PCDHGA9: variants seen among roughly 807,000 people sequenced by gnomAD.
PCDHGA9 encodes the protein protocadherin gamma subfamily A, 9, also known as protocadherin gamma-A9.
Under a neutral mutation model 62.5 loss-of-function variants are expected in PCDHGA9, and 37 were observed. The ratio of observed to expected loss-of-function variants is 0.59; its 90% CI spans 0.46 to 0.78. The LOEUF (loss-of-function observed/expected upper bound fraction) is 0.78, where lower values mean the gene tolerates loss of function less well. PCDHGA9 is among the 30% of genes least tolerant of loss of function. The probability of loss-of-function intolerance (pLI) is 0.00; values close to 1 mark genes in which losing one functional copy is unlikely to be tolerated. For missense variants in PCDHGA9, 1,138 were observed against 1,166.2 expected (o/e 0.98, Z 0.35); for synonymous variants, 459 against 484.6 (o/e 0.95, Z 0.69).
chr5:141,485,134 C>G lies in PCDHGA9; in HGVS notation c.2425-9673C>G, dbSNP rs967744072. 1.3e-6 allele frequency: 2 copies of G among 1,495,962 alleles called. No individual in the cohort carries two copies. Among genetic ancestry groups the G allele is most frequent in the South Asian group, 2.4e-5 (2 of 84,482 alleles). 92.7% of individuals were successfully genotyped at this position (1,495,962 alleles called of 1,614,324 possible). ...CTGTTTGGGGCGGGTCGGCTTCATC[C>G]GCGTCTCAGGAGCAAGTAGAGAATT... On this transcript the variant is annotated intron_variant, in intron 1 of 3. Transcript: ENST00000573521. The surrounding 1 kb of genome is among the most constrained non-coding windows in gnomAD (Gnocchi z 5.7).
chr5:141,432,139 TATCCCAGAGAACA>T lies in PCDHGA9; in HGVS notation c.2424+26773_2424+26785del, dbSNP rs745506362. On this transcript the variant is annotated intron_variant, in intron 1 of 3. Transcript: ENST00000573521. The surrounding 1 kb of genome is among the most constrained non-coding windows in gnomAD (Gnocchi z 6.0). ...TCCCTCAGGCCTCCTATTCCGCTTA[TATCCCAGAGAACA>T]ATCCCAGAGGAGTTTCCCTCGTCTC... 1.1e-5 allele frequency: 17 copies of T among 1,613,976 alleles called. No individual in the cohort carries two copies. The highest frequency in any genetic ancestry group is 1.3e-5 in the African/African-American group (1 of 74,892).
At position 141,476,923 on chromosome 5, in the gene PCDHGA9, G is replaced by A. The variant is rs368207814; in HGVS notation, c.2425-17884G>A. On this transcript the variant is annotated intron_variant, in intron 1 of 3. Transcript: ENST00000573521. This position sits in a 1 kb window ranked among gnomAD's most constrained non-coding sequence, Gnocchi z 7.6. ...CGCGCGTGGTACAAGTCCTTGCAAC[G>A]GATCTGGATGAAGGCCCCAACGGTG... The A allele has an allele frequency of 5.0e-6, 8 of 1,614,024 alleles. No individual in the cohort carries two copies. Among genetic ancestry groups the A allele is most frequent in the African/African-American group, 4.0e-5 (3 of 74,952 alleles).
chr5:141,408,239 C>A, intron 1 of PCDHGA9: 2 of 1,577,720 alleles, frequency 1.3e-6, no homozygotes, highest in South Asian at 2.3e-5. Flanking sequence ...CCGGGCCGGC[C>A]CGCGGCAGGT....
In PCDHGA9 at chr5:141,431,317, C is replaced by G; in HGVS notation, c.2424+25941C>G. 2 of 1,614,082 alleles carry G rather than the reference C, an allele frequency of 1.2e-6. No homozygotes were observed. The highest frequency in any genetic ancestry group is 1.7e-6 in the Non-Finnish European group (2 of 1,180,038). On this transcript the variant is annotated intron_variant, in intron 1 of 3. Transcript: ENST00000573521. The surrounding 1 kb of genome is among the most constrained non-coding windows in gnomAD (Gnocchi z 4.8). ...TCTCCCTCATCGTGCAAAATGGAGC[C>G]GACGGTAGTAAGTACCCCGAATTGG...
intron 1 of PCDHGA9, among the ~76,000 whole-genome samples, chr5:141,481,913 CAAAAAAA>C (rs34114744): frequency 2.2e-5 from 2 of 90,812 alleles, no homozygotes; most frequent in Admixed American, 1.2e-4. Context: ...AACTCCATCT[CAAAAAAA>C]AAAAAAAAAA....
At chr5:141,414,135 A>G in intron 1 of PCDHGA9, 1 of 1,595,504 alleles carries the variant, frequency 6.3e-7, no homozygotes, top group Non-Finnish European at 8.5e-7. Context: ...GTTTCTATGA[A>G]ATAGAAATAC....
chr5:141,448,834 A>G (rs910945659), intron 1 of PCDHGA9, among the ~76,000 whole-genome samples: 2 of 151,780 alleles, frequency 1.3e-5, no homozygotes, highest in African/African-American at 4.8e-5. Context: ...AGTCCCAGCT[A>G]CTCTGGAGGC....
intron 2 of PCDHGA9, among the ~76,000 whole-genome samples, chr5:141,496,767 T>C (rs2099771224): frequency 6.6e-6 from 1 of 152,040 alleles, no homozygotes; most frequent in Non-Finnish European, 1.5e-5. Flanking sequence ...ATCGAGCATC[T>C]ACTATGAGCA....
At chr5:141,466,809 C>T (rs1187657283) in intron 1 of PCDHGA9, among the ~76,000 whole-genome samples, 2 of 152,102 alleles carry the variant, frequency 1.3e-5, no homozygotes, top group African/African-American at 4.8e-5. Context: ...CCTATTCAGA[C>T]ATGGTATAAC....
rs1188870363 is a variant in PCDHGA9 at position 141,490,058 on chromosome 5, C to A, written c.2425-4749C>A. 16 of 1,614,230 alleles carry A rather than the reference C, an allele frequency of 9.9e-6. No individual in the cohort carries two copies. In the East Asian group the frequency reaches 3.6e-4, roughly 36 times the overall value. The stretch of plus-strand genomic sequence containing the variant: ...AATGCCACTGATCCAGACGAGGGCA[C>A]CAACGGCCAACTAGACTATTCTTTT... On this transcript the variant is annotated intron_variant, in intron 1 of 3. Coordinates refer to ENST00000573521, the MANE Select transcript of PCDHGA9 (RefSeq NM_018921.3). This position sits in a 1 kb window ranked among gnomAD's most constrained non-coding sequence, Gnocchi z 5.4.
chr5:141,453,848 C>T (rs1045684685), intron 1 of PCDHGA9, among the ~76,000 whole-genome samples: 38 of 152,290 alleles, frequency 2.5e-4, no homozygotes, highest in Non-Finnish European at 4.4e-4. Context: ...GTCCACAGAG[C>T]ACTTTGAAAA....
Position 141,476,966 on chromosome 5 carries a change from G to T in PCDHGA9, c.2425-17841G>T, listed in dbSNP as rs780645226. The T allele has an allele frequency of 6.2e-7, 1 of 1,614,152 alleles. No homozygotes were observed. Among genetic ancestry groups the T allele is most frequent in the Admixed American group, 1.7e-5 (1 of 60,032 alleles). On this transcript the variant is annotated intron_variant, in intron 1 of 3. Coordinates refer to ENST00000573521, the MANE Select transcript of PCDHGA9 (RefSeq NM_018921.3). The surrounding 1 kb of genome is among the most constrained non-coding windows in gnomAD (Gnocchi z 7.6). Reference sequence around the variant, plus strand: ...CAACGGTGAAATTATTTACTCCTTCGGCAGCCACAACCGCGCCGGCGTGCG... The same window carrying T: ...CAACGGTGAAATTATTTACTCCTTCTGCAGCCACAACCGCGCCGGCGTGCG...
intron 1 of PCDHGA9, among the ~76,000 whole-genome samples, chr5:141,458,726 C>T (rs1301761231): frequency 1.3e-5 from 2 of 151,992 alleles, no homozygotes; most frequent in African/African-American, 4.8e-5. Flanking sequence ...TTCGCCACCA[C>T]ATCCAGCTAT....
rs372054375 is a variant in PCDHGA9, at chr5:141,490,825, A to T, written c.2425-3982A>T. 9 of 1,613,692 alleles carry T rather than the reference A, an allele frequency of 5.6e-6. No individual in the cohort carries two copies. The highest frequency in any genetic ancestry group is 3.3e-4 in the Middle Eastern group (2 of 6,062). On this transcript the variant is annotated intron_variant, in intron 1 of 3. Transcript: ENST00000573521. This position sits in a 1 kb window ranked among gnomAD's most constrained non-coding sequence, Gnocchi z 5.4. ...TACCTTTGACTATGAATTGCTGCAG[A>T]TGCTGCAGATTGTGGTGGGGGTTCG... is the stretch of plus-strand genomic sequence containing the variant.
rs551289441 is a variant in PCDHGA9, at chr5:141,444,102, C to T, written c.2424+38726C>T. ...TGAAAAGTCTGCTAAGGATTGGAAACCAAGAAAAGTGAAGTATCTCAACAG... is the reference window on the plus strand; with the variant it reads ...TGAAAAGTCTGCTAAGGATTGGAAATCAAGAAAAGTGAAGTATCTCAACAG... On this transcript the variant is annotated intron_variant, in intron 1 of 3. Coordinates refer to ENST00000573521, the MANE Select transcript of PCDHGA9 (RefSeq NM_018921.3). Among the ~76,000 whole-genome samples the T allele has an allele frequency of 1.5e-3, 216 of 144,128 alleles. 1 individual carries two copies. Among genetic ancestry groups the T allele is most frequent in the African/African-American group, 5.4e-3 (211 of 38,798 alleles). 94.6% of individuals were successfully genotyped at this position (144,128 alleles called of 152,430 possible).
rs1199756501 is a variant in PCDHGA9 at position 141,493,222 on chromosome 5, C to A, written c.2425-1585C>A. Among the ~76,000 whole-genome samples the A allele has an allele frequency of 6.6e-6, 1 of 152,194 alleles. No individual in the cohort carries two copies. Among genetic ancestry groups the A allele is most frequent in the East Asian group, 1.9e-4 (1 of 5,196 alleles). ...ACCTCATCTCATTTGCTCTTCCCAC[C>A]ATTGCTGTTGGCTAGGTACTAACAT... On this transcript the variant is annotated intron_variant, in intron 1 of 3. Coordinates refer to ENST00000573521, the MANE Select transcript of PCDHGA9 (RefSeq NM_018921.3). This position sits in a 1 kb window ranked among gnomAD's most constrained non-coding sequence, Gnocchi z 4.3.
At chr5:141,448,223 T>C (rs1377619033) in intron 1 of PCDHGA9, among the ~76,000 whole-genome samples, 1 of 152,204 alleles carries the variant, frequency 6.6e-6, no homozygotes, top group Non-Finnish European at 1.5e-5. Context: ...TGCGAATGTA[T>C]GTGTGGGGTT....
In PCDHGA9 at chr5:141,489,984, T is replaced by C; in HGVS notation, c.2425-4823T>C. The C allele has an allele frequency of 1.2e-6, 2 of 1,614,212 alleles. No homozygotes were observed. Among genetic ancestry groups the C allele is most frequent in the South Asian group, 1.1e-5 (1 of 91,090 alleles). ...CAACCTTCCAATCCTCAGTTCTACG[T>C]GTGGGAATCCCAGAGAATGCACCCA... On this transcript the variant is annotated intron_variant, in intron 1 of 3. Transcript: ENST00000573521. The surrounding 1 kb of genome is among the most constrained non-coding windows in gnomAD (Gnocchi z 4.5).
intron 1 of PCDHGA9, chr5:141,415,740 GTTTTTT>G (rs57426385): frequency 0.053 from 32,266 of 613,620 alleles, 66 homozygotes; most frequent in South Asian, 0.061. Flanking sequence ...GTTTATTAAG[GTTTTTT>G]TTTTTTTTTT....
Sources: allele counts gnomAD v4.1 joint callset (sites outside exome capture counted in the v4.1 genomes callset), GRCh38; gene constraint gnomAD v4.1.1; non-coding constraint Gnocchi (gnomAD v3.1); transcripts MANE v1.5; gene names NCBI Gene and HGNC (gene_info 2026-07-23, HGNC 2026-07-21).